MAGI2: variants seen among roughly 807,000 people sequenced by gnomAD.
The protein encoded by MAGI2 is membrane-associated guanylate kinase, WW and PDZ domain-containing protein 2.
Under a neutral mutation model 133.3 loss-of-function variants are expected in MAGI2, and 35 were observed. The observed-to-expected ratio is 0.26, with a 90% CI of 0.20 to 0.35. The LOEUF (loss-of-function observed/expected upper bound fraction) is 0.35. Among genes scored for constraint, MAGI2 ranks in the 10% least tolerant of loss-of-function variants. The probability of loss-of-function intolerance (pLI) is 1.00; values close to 1 mark genes in which losing one functional copy is unlikely to be tolerated. For synonymous variants in MAGI2, 729 were observed against 710.6 expected, an observed-to-expected ratio of 1.03 and a Z score of -0.41; for missense variants, 1,636 against 1,863.4, an observed-to-expected ratio of 0.88 and a Z score of 2.25.
intron 21 of MAGI2, among the ~76,000 whole-genome samples, chr7:78,024,541 A>C (rs979127182): frequency 2.6e-5 from 4 of 152,158 alleles, no homozygotes; most frequent in Non-Finnish European, 4.4e-5. Context: ...TTACTGCACA[A>C]ATACAACCCA....
intron 1 of MAGI2, among the ~76,000 whole-genome samples, chr7:79,427,294 G>A (rs1488475866): frequency 6.6e-6 from 1 of 152,034 alleles, no homozygotes; most frequent in Non-Finnish European, 1.5e-5. Flanking sequence ...GGGTTGATAG[G>A]TGCAGCAAAT....
chr7:78,872,837 T>C (rs571106444), intron 2 of MAGI2, among the ~76,000 whole-genome samples: 1 of 152,136 alleles, frequency 6.6e-6, no homozygotes, highest in Non-Finnish European at 1.5e-5. Context: ...AGAATAACCA[T>C]ATATGAAATA....
At chr7:78,612,573 C>T (rs1420370655) in intron 3 of MAGI2, among the ~76,000 whole-genome samples, 2 of 152,122 alleles carry the variant, frequency 1.3e-5, no homozygotes, top group Non-Finnish European at 2.9e-5. Context: ...TTTGTTTTCC[C>T]CTACCAGCCT....
At chr7:78,131,708 G>T (rs1821580470) in intron 18 of MAGI2, among the ~76,000 whole-genome samples, 1 of 152,078 alleles carries the variant, frequency 6.6e-6, no homozygotes, top group Non-Finnish European at 1.5e-5. Context: ...TTATATACAA[G>T]TCACAATAAG....
At chr7:78,444,996 A>G (rs1164326805) in intron 6 of MAGI2, among the ~76,000 whole-genome samples, 1 of 151,484 alleles carries the variant, frequency 6.6e-6, no homozygotes, top group East Asian at 1.9e-4. Flanking sequence ...TTCTCTATTC[A>G]AATTCCCCTG....
At chr7:78,110,940 G>A (rs1344017879) in intron 20 of MAGI2, among the ~76,000 whole-genome samples, 2 of 152,142 alleles carry the variant, frequency 1.3e-5, no homozygotes, top group African/African-American at 4.8e-5. Flanking sequence ...GCTCTGCCAT[G>A]CAAACCAAAT....
intron 1 of MAGI2, among the ~76,000 whole-genome samples, chr7:79,050,909 G>C (rs1006318079): frequency 6.6e-6 from 1 of 152,084 alleles, no homozygotes; most frequent in East Asian, 1.9e-4. Context: ...CTAAAGACTT[G>C]TTATTCTATT....
chr7:78,884,865 T>A (rs1796144592), intron 2 of MAGI2, among the ~76,000 whole-genome samples: 1 of 152,198 alleles, frequency 6.6e-6, no homozygotes, highest in Non-Finnish European at 1.5e-5. Flanking sequence ...ATGACACCTA[T>A]ACATGCATGT....
chr7:78,282,790 G>A (rs1562747606), intron 9 of MAGI2, among the ~76,000 whole-genome samples: 1 of 151,956 alleles, frequency 6.6e-6, no homozygotes, highest in Non-Finnish European at 1.5e-5. Flanking sequence ...TTGATTTCAA[G>A]CTTTGTTGAC....
chr7:78,763,819 A>C (rs1824752568), intron 2 of MAGI2, among the ~76,000 whole-genome samples: 1 of 152,242 alleles, frequency 6.6e-6, no homozygotes, highest in Non-Finnish European at 1.5e-5. Context: ...TCAATAATTT[A>C]TCTAGAAACC....
intron 8 of MAGI2, chr7:78,345,514 C>T (rs550311352): frequency 1.1e-5 from 2 of 174,970 alleles, no homozygotes; most frequent in African/African-American, 2.4e-5. Context: ...GCGACCTCTC[C>T]GGGGCAGCAC....
intron 14 of MAGI2, among the ~76,000 whole-genome samples, chr7:78,168,435 TG>T (rs1825823764): frequency 1.3e-5 from 2 of 152,212 alleles, no homozygotes; most frequent in Non-Finnish European, 2.9e-5. Context: ...TTGAACATGC[TG>T]CAGACTGCCA....
intron 2 of MAGI2, among the ~76,000 whole-genome samples, chr7:78,652,087 G>A (rs1811637215): frequency 6.6e-6 from 1 of 152,116 alleles, no homozygotes; most frequent in South Asian, 2.1e-4. Flanking sequence ...ATGAGTTAAT[G>A]GGGCAGCCAT....
chr7:79,031,602 T>C (rs1810582527), intron 1 of MAGI2, among the ~76,000 whole-genome samples: 1 of 152,176 alleles, frequency 6.6e-6, no homozygotes, highest in Admixed American at 6.5e-5. Flanking sequence ...CAACTCTTTA[T>C]AGTTCAGCTA....
chr7:78,199,978 T>G (rs1296259731), intron 11 of MAGI2, among the ~76,000 whole-genome samples: 2 of 152,252 alleles, frequency 1.3e-5, no homozygotes, highest in Non-Finnish European at 2.9e-5. Context: ...AGAGCACAGA[T>G]TTAAGTTTGG....
intron 1 of MAGI2, among the ~76,000 whole-genome samples, chr7:79,399,079 C>CTTTTCTTTTTTTTTTG (rs1585840184): frequency 8.7e-6 from 1 of 114,612 alleles, no homozygotes; most frequent in African/African-American, 3.7e-5. Context: ...AGTATTATTT[C>CTTTTCTTTTTTTTTTG]TTTTTTTTTT....
At chr7:78,504,268 T>C (rs1302619235) in intron 4 of MAGI2, among the ~76,000 whole-genome samples, 22 of 152,140 alleles carry the variant, frequency 1.4e-4, no homozygotes, top group Admixed American at 1.4e-3. Context: ...ATGAGATTAT[T>C]GGGCAAATAA....
intron 2 of MAGI2, among the ~76,000 whole-genome samples, chr7:78,665,073 C>T (rs1813400348): frequency 6.6e-6 from 1 of 152,092 alleles, no homozygotes; most frequent in Non-Finnish European, 1.5e-5. Flanking sequence ...TCCTGGTATA[C>T]ATATTAGTGT....
At chr7:78,841,552 T>C (rs888311399) in intron 2 of MAGI2, among the ~76,000 whole-genome samples, 2 of 151,970 alleles carry the variant, frequency 1.3e-5, no homozygotes, top group Non-Finnish European at 2.9e-5. Flanking sequence ...CCTCTTGTAC[T>C]TTGACAACTC....
Sources: allele counts gnomAD v4.1 joint callset (sites outside exome capture counted in the v4.1 genomes callset), GRCh38; gene constraint gnomAD v4.1.1; transcripts MANE v1.5; gene names NCBI Gene and HGNC (gene_info 2026-07-23, HGNC 2026-07-21).